Variants in CFAP47 observed in about 807,000 individuals in gnomAD.
CFAP47 encodes cilia and flagella associated protein 47.
CFAP47 carries 29 observed loss-of-function variants against 148.1 expected under a neutral mutation model. That is an observed-to-expected ratio of 0.20 (90% confidence interval 0.15 to 0.27). The LOEUF (loss-of-function observed/expected upper bound fraction) is 0.27. CFAP47 is among the 10% of genes least tolerant of loss of function. CFAP47 has a pLI of 1.00. For synonymous variants in CFAP47, 664 were observed against 577.3 expected (o/e 1.15, Z -2.15); for missense variants, 1,872 against 1,697.5 (o/e 1.10, Z -1.81).
chrX:36,298,920 T>C (rs1320234891), intron 51 of CFAP47, 57 bp from the exon 52 acceptor site: 2 of 742,957 alleles, frequency 2.7e-6, no homozygotes, highest in Non-Finnish European at 4.0e-6. Context: ...CCTTTCATAG[T>C]ATAATGACTC....
At chrX:36,284,954 A>G (rs1556004256) in intron 50 of CFAP47, among the ~76,000 whole-genome samples, 1 of 111,523 alleles carries the variant, frequency 9.0e-6, no homozygotes. Context: ...ACAGACGTAA[A>G]AAACCTTTTT....
intron 48 of CFAP47, among the ~76,000 whole-genome samples, chrX:36,246,658 G>A (rs1555997076): frequency 9.0e-6 from 1 of 111,105 alleles, no homozygotes; most frequent in South Asian, 3.7e-4. Flanking sequence ...TTGATACGTG[G>A]GGATTATGGG....
At chrX:36,187,326 A>C (rs1939818108) in intron 40 of CFAP47, among the ~76,000 whole-genome samples, 1 of 112,213 alleles carries the variant, frequency 8.9e-6, no homozygotes, top group African/African-American at 3.2e-5. Context: ...TGTTTCCAAC[A>C]AAATAGGTAA....
intron 16 of CFAP47, 60 bp downstream of exon 16, chrX:35,989,509 A>G (rs1415916639): frequency 8.3e-7 from 1 of 1,210,376 alleles, no homozygotes; most frequent in Non-Finnish European, 1.1e-6. Flanking sequence ...TTGGGTATAC[A>G]CTGGTGTATA....
intron 10 of CFAP47, 99 bp downstream of exon 10, chrX:35,967,931 A>G (rs1936433386): frequency 1.7e-5 from 5 of 301,189 alleles, no homozygotes; most frequent in East Asian, 5.2e-5. Flanking sequence ...ACTAATGATT[A>G]CAATAATAAT....
At chrX:36,373,499 G>C (rs1385610283) in intron 62 of CFAP47, among the ~76,000 whole-genome samples, 1 of 110,470 alleles carries the variant, frequency 9.1e-6, no homozygotes, top group African/African-American at 3.3e-5. Flanking sequence ...TCTACATATA[G>C]GAACACACCC....
At chrX:36,361,900 C>T (rs1367036314) in intron 61 of CFAP47, among the ~76,000 whole-genome samples, 1 of 112,293 alleles carries the variant, frequency 8.9e-6, no homozygotes, top group Non-Finnish European at 1.9e-5. Flanking sequence ...ATTGCAACTG[C>T]TTTCATTACA....
intron 35 of CFAP47, among the ~76,000 whole-genome samples, chrX:36,143,726 C>T (rs5973594): frequency 0.11 from 11,739 of 111,323 alleles, 1,217 homozygotes; most frequent in African/African-American, 0.32. Flanking sequence ...TGTCCTGATA[C>T]CATTGCGCTG....
At chrX:35,920,976 A>G (rs1935568483) in intron 1 of CFAP47, among the ~76,000 whole-genome samples, 1 of 112,198 alleles carries the variant, frequency 8.9e-6, no homozygotes, top group Admixed American at 9.5e-5. Context: ...TCCATGTTCT[A>G]ATTTTTGCTC....
intron 4 of CFAP47, 132 bp downstream of exon 4, chrX:35,948,584 C>A (rs182294154): frequency 4.0e-6 from 2 of 502,905 alleles, no homozygotes; most frequent in Non-Finnish European, 6.4e-6. Flanking sequence ...TGAGTCTCTA[C>A]TATTTGCCAA....
chrX:36,178,230 C>G (rs904094417), intron 39 of CFAP47, among the ~76,000 whole-genome samples: 1 of 111,037 alleles, frequency 9.0e-6, no homozygotes, highest in African/African-American at 3.3e-5. Flanking sequence ...CTATTGGGTA[C>G]TATGCTCACT....
intron 32 of CFAP47, among the ~76,000 whole-genome samples, chrX:36,101,955 G>A (rs1223143123): frequency 2.7e-5 from 3 of 111,368 alleles, no homozygotes; most frequent in Non-Finnish European, 5.7e-5. Context: ...TATGATAGGG[G>A]TGGGATAGCG....
intron 45 of CFAP47, among the ~76,000 whole-genome samples, chrX:36,219,143 A>T (rs1347774962): frequency 8.9e-6 from 1 of 112,073 alleles, no homozygotes; most frequent in East Asian, 2.8e-4. Flanking sequence ...TACAGATACA[A>T]AATTACTCCC....
chrX:36,109,257 T>C (rs892745548), intron 33 of CFAP47, among the ~76,000 whole-genome samples: 1 of 111,685 alleles, frequency 9.0e-6, no homozygotes, highest in African/African-American at 3.3e-5. Context: ...AATGAATATA[T>C]ACCTGCATGT....
At chrX:36,328,122 G>T (rs1288170568) in intron 57 of CFAP47, among the ~76,000 whole-genome samples, 2 of 111,776 alleles carry the variant, frequency 1.8e-5, no homozygotes, top group African/African-American at 6.5e-5. Flanking sequence ...TTTTTTAAAA[G>T]ACTCCTTATG....
intron 10 of CFAP47, 100 bp downstream of exon 10, chrX:35,967,932 C>CAATAATAAT (rs112359946): frequency 1.1e-4 from 32 of 285,102 alleles, no homozygotes; most frequent in African/African-American, 9.8e-4. Context: ...CTAATGATTA[C>CAATAATAAT]AATAATAATA....
intron 57 of CFAP47, among the ~76,000 whole-genome samples, chrX:36,335,614 T>C (rs2146974885): frequency 8.9e-6 from 1 of 111,741 alleles, no homozygotes; most frequent in Non-Finnish European, 1.9e-5. Context: ...ACTCTGTTGG[T>C]TCCCATGACA....
At chrX:36,175,921 A>T (rs778063610) in intron 39 of CFAP47, among the ~76,000 whole-genome samples, 1,359 of 112,352 alleles carry the variant, frequency 0.012, 14 homozygotes, top group African/African-American at 0.037. Flanking sequence ...TTGCAGTTTG[A>T]TCTCAGACTG....
intron 25 of CFAP47, among the ~76,000 whole-genome samples, chrX:36,045,218 C>G (rs1937450782): frequency 9.0e-6 from 1 of 111,670 alleles, no homozygotes; most frequent in Non-Finnish European, 1.9e-5. Context: ...TCATACATCA[C>G]TTTTATCATG....
Sources: allele counts gnomAD v4.1 joint callset (sites outside exome capture counted in the v4.1 genomes callset), GRCh38; gene constraint gnomAD v4.1.1; transcripts MANE v1.5; gene names NCBI Gene and HGNC (gene_info 2026-07-23, HGNC 2026-07-21).